The following SHB variants were observed in gnomAD, a reference collection of about 807,000 sequenced individuals.
The protein encoded by SHB is SH2 domain containing adaptor protein B, also known as SH2 domain-containing adapter protein B.
SHB carries 20 observed loss-of-function variants against 52.3 expected under a neutral mutation model. The observed-to-expected ratio is 0.38, with a 90% CI of 0.27 to 0.56. The LOEUF is 0.56. Ranked by LOEUF, SHB falls within the 20% of genes least tolerant of loss-of-function variation. SHB has a pLI of 0.71. For synonymous variants in SHB, 397 were observed against 316.5 expected (o/e 1.25, Z -2.70); for missense variants, 825 against 723.3 (o/e 1.14, Z -1.61).
intron 5 of SHB, among the ~76,000 whole-genome samples, chr9:37,921,964 C>A (rs1036040410): frequency 6.6e-6 from 1 of 152,208 alleles, no homozygotes; most frequent in Non-Finnish European, 1.5e-5. Flanking sequence ...TGTGGAAGGG[C>A]GAGAGAGCAG....
intron 2 of SHB, among the ~76,000 whole-genome samples, chr9:37,982,740 G>C (rs1820750149): frequency 6.6e-6 from 1 of 151,960 alleles, no homozygotes; most frequent in Admixed American, 6.6e-5. Context: ...CGGAGGTTGT[G>C]GTGAGCCAAG....
At chr9:38,058,846 T>C (rs1252840768) in intron 1 of SHB, among the ~76,000 whole-genome samples, 1 of 151,968 alleles carries the variant, frequency 6.6e-6, no homozygotes, top group Non-Finnish European at 1.5e-5. Flanking sequence ...GAGAGCGGGG[T>C]GGTTCATGCC....
intron 2 of SHB, among the ~76,000 whole-genome samples, chr9:37,991,525 T>C (rs1380910343): frequency 6.6e-6 from 1 of 152,238 alleles, no homozygotes; most frequent in Non-Finnish European, 1.5e-5. Flanking sequence ...ATTTTAATTA[T>C]AACATTCCCC....
chr9:37,993,649 T>C (rs1382126878), intron 2 of SHB, among the ~76,000 whole-genome samples: 1 of 152,044 alleles, frequency 6.6e-6, no homozygotes. Context: ...TAAACATATA[T>C]TTGTTAATTT....
At chr9:38,032,163 C>A (rs950262848) in intron 1 of SHB, among the ~76,000 whole-genome samples, 1 of 152,216 alleles carries the variant, frequency 6.6e-6, no homozygotes, top group African/African-American at 2.4e-5. Context: ...ACAGAGGGGG[C>A]ACCGCCTAGA....
chr9:37,948,020 C>T (rs955417026), intron 5 of SHB, among the ~76,000 whole-genome samples: 7 of 152,218 alleles, frequency 4.6e-5, no homozygotes, highest in African/African-American at 1.7e-4. Context: ...CTGGGCCTGC[C>T]CATCCTGACA....
At chr9:38,058,842 G>A (rs748460880) in intron 1 of SHB, among the ~76,000 whole-genome samples, 2 of 152,086 alleles carry the variant, frequency 1.3e-5, no homozygotes, top group African/African-American at 4.8e-5. Context: ...CTTGGAGAGC[G>A]GGGTGGTTCA....
intron 1 of SHB, among the ~76,000 whole-genome samples, chr9:38,052,008 C>T (rs1821757277): frequency 6.6e-6 from 1 of 152,194 alleles, no homozygotes; most frequent in Non-Finnish European, 1.5e-5. Flanking sequence ...CTGGTTTTCC[C>T]TTTCCCTTCT....
At chr9:38,035,823 C>T (rs1265372834) in intron 1 of SHB, among the ~76,000 whole-genome samples, 2 of 152,152 alleles carry the variant, frequency 1.3e-5, no homozygotes, top group East Asian at 1.9e-4. Context: ...GGAGCTTTTA[C>T]AATGCACCAT....
chr9:37,981,816 G>T (rs1820727837), intron 2 of SHB, among the ~76,000 whole-genome samples: 1 of 152,156 alleles, frequency 6.6e-6, no homozygotes, highest in African/African-American at 2.4e-5. Context: ...GAGGGGAAGA[G>T]ATGAAGGAAT....
At chr9:38,049,390 CCT>C (rs1821705743) in intron 1 of SHB, among the ~76,000 whole-genome samples, 1 of 152,168 alleles carries the variant, frequency 6.6e-6, no homozygotes, top group East Asian at 2.0e-4. Flanking sequence ...GGGCAGATCC[CCT>C]GAGGTCAGGA....
At chr9:38,019,155 C>T (rs546138745) in intron 1 of SHB, among the ~76,000 whole-genome samples, 2 of 152,200 alleles carry the variant, frequency 1.3e-5, no homozygotes, top group Non-Finnish European at 2.9e-5. Context: ...CTGTAGAGTG[C>T]GGCTGCTTAG....
intron 1 of SHB, among the ~76,000 whole-genome samples, chr9:38,041,564 A>G (rs1384992964): frequency 2.0e-5 from 3 of 152,092 alleles, no homozygotes; most frequent in Non-Finnish European, 4.4e-5. Context: ...AGAGGTATAA[A>G]ACTTCGGTGA....
chr9:38,040,919 G>A (rs975179773), intron 1 of SHB, among the ~76,000 whole-genome samples: 1 of 151,922 alleles, frequency 6.6e-6, no homozygotes, highest in Admixed American at 6.6e-5. Context: ...GGGTTAGGTG[G>A]GAATAAAGCC....
In SHB at chr9:37,917,648, A is replaced by T. The variant is rs977257161; in HGVS notation, c.*2173T>A. Among the ~76,000 whole-genome samples, 1 of 151,324 alleles carries T rather than the reference A, an allele frequency of 6.6e-6. No homozygotes were observed. The highest frequency in any genetic ancestry group is 6.6e-5 in the Admixed American group (1 of 15,232). On this transcript the variant is annotated 3_prime_UTR_variant, in exon 6 of 6. Transcript: ENST00000377707. The stretch of plus-strand genomic sequence containing the variant: ...GGCTCCTCTGTTTGGCCAAGTGCCA[A>T]CTCCTCACTCATCTTGTCATTTCCC...
Position 38,016,087 on chromosome 9 carries a change from A to T in SHB, c.762T>A (p.Asn254Lys). The T allele has an allele frequency of 6.2e-7, 1 of 1,614,084 alleles. No homozygotes were observed. The highest frequency in any genetic ancestry group is 8.5e-7 in the Non-Finnish European group (1 of 1,179,910). The stretch of plus-strand genomic sequence containing the variant: ...CCTTTCCTGCTTTGCTCTTGAGATC[A>T]TTCTTGGCATCAAAGGGATCTGAGT... ...DDYSDPFDAKNDLKSKAGKGE... is the reference protein window; with the variant it reads ...DDYSDPFDAKKDLKSKAGKGE... The change falls in exon 2 of 6, where the codon AAT becomes AAA. Residue 254 changes from asparagine to lysine, a missense_variant. Physicochemically the swap from Asn to Lys is moderately conservative, Grantham distance 94. Coordinates refer to ENST00000377707, the MANE Select transcript of SHB (RefSeq NM_003028.3).
At chr9:38,057,233 T>G (rs1338313624) in intron 1 of SHB, among the ~76,000 whole-genome samples, 1 of 152,210 alleles carries the variant, frequency 6.6e-6, no homozygotes, top group Non-Finnish European at 1.5e-5. Flanking sequence ...ATTTAAGATA[T>G]TGTAGACATC....
At position 37,916,369 on chromosome 9, in the gene SHB, G is replaced by A. The variant is rs189473153; in HGVS notation, c.*3452C>T. 6.6e-6 allele frequency among the ~76,000 whole-genome samples: 1 copy of A among 152,364 alleles called. No homozygotes were observed. The highest frequency in any genetic ancestry group is 2.4e-5 in the African/African-American group (1 of 41,588). Reference sequence around the variant, plus strand: ...GTCCCTAGGGCTGCAAGAGCAAATGGGGACCCTGGCTGCCGGTCCTTGCCA... The same window carrying A: ...GTCCCTAGGGCTGCAAGAGCAAATGAGGACCCTGGCTGCCGGTCCTTGCCA... On this transcript the variant is annotated 3_prime_UTR_variant, in exon 6 of 6. Transcript: ENST00000377707.
In SHB at chr9:38,068,591, G is replaced by T; in HGVS notation, c.55C>A (p.Pro19Thr). 1.3e-6 allele frequency: 2 copies of T among 1,495,384 alleles called. No homozygotes were observed. The highest frequency in any genetic ancestry group is 1.8e-6 in the Non-Finnish European group (2 of 1,133,840). The allele number at this position is 1,495,384 out of a possible 1,614,324, so 92.6% of individuals were successfully genotyped here. A position where few individuals can be genotyped will look rare whatever the true frequency, so the allele number is the denominator to read the frequency against. ...TAGTCTGGCCGCGGCGGCTGCGGGG[G>T]GCTCTTGGTCTTGCTGTTGCCCAAG... ...FSLGNSKTKS[P>T]PQPPRPDYRE... The change falls in exon 1 of 6, where the codon CCC becomes ACC. Residue 19 changes from proline (P) to threonine (T), a missense_variant. Coordinates refer to ENST00000377707, the MANE Select transcript of SHB (RefSeq NM_003028.3).
Sources: allele counts gnomAD v4.1 joint callset (sites outside exome capture counted in the v4.1 genomes callset), GRCh38; gene constraint gnomAD v4.1.1; transcripts MANE v1.5; gene names NCBI Gene and HGNC (gene_info 2026-07-23, HGNC 2026-07-21).